The following HECW2 variants were observed in gnomAD, a reference collection of about 807,000 sequenced individuals.
HECW2 encodes E3 ubiquitin-protein ligase HECW2.
In HECW2, 61 loss-of-function variants were observed where a neutral mutation model predicts 175.2. The ratio of observed to expected loss-of-function variants is 0.35; its 90% CI spans 0.28 to 0.43. The LOEUF is 0.43. Ranked by LOEUF, HECW2 falls within the 20% of genes least tolerant of loss-of-function variation. The pLI is 1.00. For synonymous variants in HECW2, 671 were observed against 731.0 expected (o/e 0.92, Z 1.32); for missense variants, 1,524 against 2,000.5 (o/e 0.76, Z 4.54).
At position 196,240,383 on chromosome 2, in the gene HECW2, CGT is replaced by C. The variant is rs1688401950; in HGVS notation, c.3764+64_3764+65del. ...TTCCTGTTTCAGGCAACCACAGCGA[CGT>C]GGAGAAACATCCGCCTTGTGGCCAC... is the stretch of plus-strand genomic sequence containing the variant. On this transcript the variant is annotated intron_variant, in intron 21 of 28. Transcript: ENST00000644978. The C allele has an allele frequency of 6.2e-6, 7 of 1,137,810 alleles. No homozygotes were observed. In the South Asian group the frequency reaches 1.1e-4, roughly 18 times the overall value. 70.5% of individuals were successfully genotyped at this position (1,137,810 alleles called of 1,614,324 possible).
At chr2:196,318,326 C>A (rs1399721555) in intron 9 of HECW2, among the ~76,000 whole-genome samples, 1 of 152,178 alleles carries the variant, frequency 6.6e-6, no homozygotes, top group Non-Finnish European at 1.5e-5. Flanking sequence ...AAACAGGAGG[C>A]CTAATCTAGA....
chr2:196,318,815 C>T lies in HECW2; in HGVS notation c.2075G>A (p.Gly692Asp). ...GACAAEPTSS[G>D]PAEGSQESVC... ...GGATTCCTGCGACCCTTCGGCAGGG[C>T]CACTGCTGGTGGGCTCTGCTGCACA... The change falls in exon 9 of 29, where the codon GGC (glycine) becomes GAC (aspartate). Residue 692 changes from glycine to aspartate, a missense_variant. This residue lies in a region of HECW2 where 604 missense variants were observed against 588.3 expected (regional missense o/e 1.03). Coordinates refer to ENST00000644978, the MANE Select transcript of HECW2 (RefSeq NM_001348768.2). The T allele has an allele frequency of 6.5e-7, 1 of 1,531,908 alleles. No homozygotes were observed. The highest frequency in any genetic ancestry group is 1.3e-5 in the South Asian group (1 of 77,524). 94.9% of individuals were successfully genotyped at this position (1,531,908 alleles called of 1,614,324 possible).
At chr2:196,573,768 A>G (rs547321898) in intron 1 of HECW2, among the ~76,000 whole-genome samples, 2 of 152,330 alleles carry the variant, frequency 1.3e-5, no homozygotes, top group South Asian at 4.1e-4. Context: ...CAAGAAAAAG[A>G]AATAAAAGGC....
chr2:196,203,662 T>C (rs1166746556), intron 28 of HECW2, among the ~76,000 whole-genome samples: 1 of 152,214 alleles, frequency 6.6e-6, no homozygotes, highest in Non-Finnish European at 1.5e-5. Context: ...GATCCATATG[T>C]TCATCTCTCT....
chr2:196,351,568 A>T (rs1693171855), intron 2 of HECW2, among the ~76,000 whole-genome samples: 1 of 152,204 alleles, frequency 6.6e-6, no homozygotes, highest in South Asian at 2.1e-4. Context: ...TAGACGAGAA[A>T]TTTTTTGAGA....
chr2:196,205,321 C>T (rs968029435), intron 28 of HECW2, among the ~76,000 whole-genome samples: 1 of 152,180 alleles, frequency 6.6e-6, no homozygotes, highest in African/African-American at 2.4e-5. Context: ...CAACATTAAA[C>T]TGAAAGCGGG....
chr2:196,366,494 A>G (rs1022986912), intron 2 of HECW2, among the ~76,000 whole-genome samples: 2 of 152,218 alleles, frequency 1.3e-5, no homozygotes, highest in African/African-American at 2.4e-5. Flanking sequence ...ACCCACAAGC[A>G]TATGTAATGT....
At chr2:196,454,977 T>C (rs1696460546) in intron 1 of HECW2, among the ~76,000 whole-genome samples, 1 of 152,226 alleles carries the variant, frequency 6.6e-6, no homozygotes, top group Non-Finnish European at 1.5e-5. Context: ...AATCTCATGT[T>C]TCGGTTTAAT....
At chr2:196,363,842 AG>A (rs1236405901) in intron 2 of HECW2, among the ~76,000 whole-genome samples, 3 of 152,188 alleles carry the variant, frequency 2.0e-5, no homozygotes, top group African/African-American at 7.2e-5. Flanking sequence ...AAAAGAAAGG[AG>A]GAAAAGAAAG....
intron 1 of HECW2, among the ~76,000 whole-genome samples, chr2:196,557,728 GA>G (rs1266915884): frequency 6.6e-6 from 1 of 152,116 alleles, no homozygotes; most frequent in African/African-American, 2.4e-5. Context: ...TATAATGAGT[GA>G]AAAATGCAAG....
intron 1 of HECW2, among the ~76,000 whole-genome samples, chr2:196,460,356 CA>C (rs1559123117): frequency 6.6e-6 from 1 of 151,646 alleles, no homozygotes. Context: ...AAAAAGAACT[CA>C]AAAAAGAACA....
At chr2:196,582,052 T>C (rs183085577) in intron 1 of HECW2, among the ~76,000 whole-genome samples, 3 of 141,900 alleles carry the variant, frequency 2.1e-5, no homozygotes, top group Non-Finnish European at 4.4e-5. Context: ...GGTGACATAG[T>C]GAGACTCCAT....
intron 17 of HECW2, among the ~76,000 whole-genome samples, chr2:196,265,963 G>T (rs1575323822): frequency 1.3e-5 from 2 of 152,188 alleles, no homozygotes; most frequent in South Asian, 4.1e-4. Flanking sequence ...AGCCATTACT[G>T]CTGCTCTCCC....
intron 1 of HECW2, among the ~76,000 whole-genome samples, chr2:196,510,817 T>C (rs1158401901): frequency 2.0e-5 from 3 of 152,218 alleles, no homozygotes; most frequent in Non-Finnish European, 2.9e-5. Flanking sequence ...GCTAATTTAA[T>C]GGTGACTTAT....
In HECW2 at chr2:196,374,966, G is replaced by C. The variant is rs528551063; in HGVS notation, c.293-31202C>G. ...TCACAAGGTCAGGAGTTCAAGACCA[G>C]CTTGGCCAACATGGTGAAACCCCGT... On this transcript the variant is annotated intron_variant, in intron 2 of 28. Coordinates refer to ENST00000644978, the MANE Select transcript of HECW2 (RefSeq NM_001348768.2). Among the ~76,000 whole-genome samples the C allele has an allele frequency of 2.6e-5, 4 of 152,032 alleles. No individual in the cohort carries two copies. The South Asian group carries it at 8.3e-4, about 32-fold the overall frequency.
intron 22 of HECW2, among the ~76,000 whole-genome samples, 167 bp from the exon 23 acceptor site, chr2:196,226,037 G>A (rs1559447867): frequency 6.6e-6 from 1 of 152,134 alleles, no homozygotes; most frequent in Admixed American, 6.5e-5. Flanking sequence ...TCTTCATCAG[G>A]CCAGTGGTAC....
intron 18 of HECW2, among the ~76,000 whole-genome samples, chr2:196,255,980 G>A (rs1251006199): frequency 2.0e-5 from 3 of 152,108 alleles, no homozygotes; most frequent in African/African-American, 7.2e-5. Flanking sequence ...GGCTGAGGCA[G>A]GAGAATTACT....
chr2:196,299,195 G>C (rs1377405664), intron 13 of HECW2, among the ~76,000 whole-genome samples: 1 of 151,846 alleles, frequency 6.6e-6, no homozygotes, highest in Non-Finnish European at 1.5e-5. Context: ...CAGTTCATAA[G>C]AGGAAGAAAA....
At chr2:196,321,391 C>CTCTT (rs1553500197) in intron 7 of HECW2, among the ~76,000 whole-genome samples, 1 of 139,796 alleles carries the variant, frequency 7.2e-6, no homozygotes, top group African/African-American at 2.7e-5. Flanking sequence ...CTTTTTCTCT[C>CTCTT]TTTTTTTTTT....
Sources: gnomAD v4.1 joint callset for allele counts (sites outside exome capture counted in the v4.1 genomes callset) on GRCh38, gnomAD v4.1.1 for gene constraint, gnomAD v4.1.1 regional missense constraint, MANE v1.5 for transcripts, NCBI Gene and HGNC (gene_info 2026-07-23, HGNC 2026-07-21) for gene names.